The following RAB38 variants were observed in gnomAD, a reference collection of about 807,000 sequenced individuals.
The protein encoded by RAB38 is ras-related protein Rab-38.
RAB38 carries 15 observed loss-of-function variants against 18.4 expected under a neutral mutation model. That is an observed-to-expected ratio of 0.82 (90% CI 0.55 to 1.26). The LOEUF is 1.26. Ranked by LOEUF, RAB38 falls within the 50% of genes most tolerant of loss-of-function variation. RAB38 has a pLI of 0.00. For missense variants in RAB38, 294 were observed against 267.4 expected (o/e 1.10, Z -0.69); for synonymous variants, 101 against 104.4 (o/e 0.97, Z 0.20).
chr11:87,969,867 T>C, the RAB38 span, among the ~76,000 whole-genome samples: 10 of 152,238 alleles, frequency 6.6e-5, no homozygotes, highest in South Asian at 2.1e-3. Flanking sequence ...GATTTTAAGC[T>C]CCTATATATA....
chr11:87,857,011 C>G, the RAB38 span, among the ~76,000 whole-genome samples: 2 of 151,994 alleles, frequency 1.3e-5, no homozygotes, highest in Non-Finnish European at 2.9e-5. Flanking sequence ...TATCCCTCCC[C>G]GCTCCCCCCA....
At chr11:87,936,669 C>A in the RAB38 span, among the ~76,000 whole-genome samples, 2 of 151,918 alleles carry the variant, frequency 1.3e-5, no homozygotes, top group African/African-American at 4.8e-5. Flanking sequence ...AGCTCATTAG[C>A]CTTCCAATAT....
the RAB38 span, among the ~76,000 whole-genome samples, chr11:87,826,950 A>G: frequency 6.6e-6 from 1 of 152,134 alleles, no homozygotes; most frequent in African/African-American, 2.4e-5. Context: ...TAGAAGAGTG[A>G]GGACTTCAGG....
intron 2 of RAB38, among the ~76,000 whole-genome samples, chr11:88,145,643 G>T (rs1242666162): frequency 6.6e-6 from 1 of 152,118 alleles, no homozygotes; most frequent in Non-Finnish European, 1.5e-5. Context: ...GAAGGGCAGG[G>T]TCTTTATCCT....
chr11:87,935,688 C>G, the RAB38 span, among the ~76,000 whole-genome samples: 2 of 151,960 alleles, frequency 1.3e-5, no homozygotes, highest in South Asian at 4.2e-4. Flanking sequence ...TGGATATAGC[C>G]AAGATTTAGA....
the RAB38 span, among the ~76,000 whole-genome samples, chr11:87,914,904 T>G: frequency 1.3e-5 from 2 of 152,168 alleles, no homozygotes; most frequent in South Asian, 4.1e-4. Context: ...TGGCAGCTTC[T>G]ACAAGGTGTT....
the RAB38 span, among the ~76,000 whole-genome samples, chr11:87,810,344 C>T: frequency 6.6e-6 from 1 of 152,098 alleles, no homozygotes; most frequent in African/African-American, 2.4e-5. Context: ...CCTCAGCTTC[C>T]TGAGTAGCGG....
the RAB38 span, among the ~76,000 whole-genome samples, chr11:88,032,132 T>G: frequency 0.048 from 7,285 of 151,284 alleles, 177 homozygotes; most frequent in Middle Eastern, 0.11. Flanking sequence ...AATGGGGAAA[T>G]GATTCCCTAT....
intron 1 of RAB38, among the ~76,000 whole-genome samples, chr11:88,172,576 A>C (rs35451485): frequency 1.3e-5 from 2 of 152,194 alleles, no homozygotes; most frequent in African/African-American, 4.8e-5. Context: ...ACTAACCTCC[A>C]CTACCTGCTC....
chr11:87,967,416 G>A, the RAB38 span, among the ~76,000 whole-genome samples: 1 of 152,122 alleles, frequency 6.6e-6, no homozygotes, highest in South Asian at 2.1e-4. Flanking sequence ...CCACTGGTGG[G>A]TCTAGGATAA....
At chr11:87,851,858 T>G in the RAB38 span, among the ~76,000 whole-genome samples, 2 of 152,142 alleles carry the variant, frequency 1.3e-5, no homozygotes, top group Non-Finnish European at 2.9e-5. Flanking sequence ...TTTTAGGGTC[T>G]CTAGCTGGGT....
chr11:87,868,987 G>T, the RAB38 span, among the ~76,000 whole-genome samples: 1 of 151,814 alleles, frequency 6.6e-6, no homozygotes, highest in African/African-American at 2.4e-5. Context: ...GTGCTCCAGA[G>T]ATTCCCACAA....
chr11:87,883,629 G>C, the RAB38 span, among the ~76,000 whole-genome samples: 1 of 151,922 alleles, frequency 6.6e-6, no homozygotes, highest in South Asian at 2.1e-4. Context: ...CTTGAGATGG[G>C]AAATAGTTGC....
the RAB38 span, among the ~76,000 whole-genome samples, chr11:88,015,875 A>G: frequency 1.3e-5 from 2 of 152,116 alleles, no homozygotes; most frequent in African/African-American, 4.8e-5. Flanking sequence ...TCCAAGTAAA[A>G]TGTTAAGACT....
the RAB38 span, among the ~76,000 whole-genome samples, chr11:87,855,106 C>A: frequency 0.2 from 30,018 of 152,078 alleles, 3,792 homozygotes; most frequent in African/African-American, 0.34. Context: ...ATTTATGATT[C>A]CTTAATACAT....
chr11:88,116,914 G>GA (rs1246825247), intron 2 of RAB38, among the ~76,000 whole-genome samples: 1 of 152,124 alleles, frequency 6.6e-6, no homozygotes, highest in Non-Finnish European at 1.5e-5. Flanking sequence ...ATGCGTGTGG[G>GA]AAAATCAATG....
chr11:87,910,408 T>A, the RAB38 span, among the ~76,000 whole-genome samples: 5 of 130,494 alleles, frequency 3.8e-5, no homozygotes, highest in African/African-American at 2.1e-4. Context: ...CTAGTCTGCC[T>A]TTTTTTTCAT....
chr11:87,846,081 A>G, the RAB38 span, among the ~76,000 whole-genome samples: 1 of 152,086 alleles, frequency 6.6e-6, no homozygotes, highest in African/African-American at 2.4e-5. Flanking sequence ...ACCCCTAAAG[A>G]ACCACTTAAA....
chr11:88,097,480 T>A, the RAB38 span, among the ~76,000 whole-genome samples: 1 of 151,734 alleles, frequency 6.6e-6, no homozygotes, highest in African/African-American at 2.4e-5. Context: ...TAACCAAGAA[T>A]AGAGAGTGGA....
Sources: allele counts gnomAD v4.1 joint callset (sites outside exome capture counted in the v4.1 genomes callset), GRCh38; gene constraint gnomAD v4.1.1; transcripts MANE v1.5; gene names NCBI Gene and HGNC (gene_info 2026-07-23, HGNC 2026-07-21).